Variants in ACKR3 observed in about 807,000 individuals in gnomAD.
The protein encoded by ACKR3 is C-X-C chemokine receptor type 7.
ACKR3 carries 6 observed loss-of-function variants against 22.4 expected under a neutral mutation model. That is an observed-to-expected ratio of 0.27 (90% CI 0.15 to 0.53). The LOEUF (loss-of-function observed/expected upper bound fraction) is 0.53. Among genes scored for constraint, ACKR3 ranks in the 20% least tolerant of loss-of-function variants. The pLI, the probability that ACKR3 is intolerant of heterozygous loss-of-function variation, is 0.96. For missense variants in ACKR3, 396 were observed against 475.2 expected, an observed-to-expected ratio of 0.83 and a Z score of 1.55; for synonymous variants, 209 against 205.2, an observed-to-expected ratio of 1.02 and a Z score of -0.16.
upstream of ACKR3, among the ~76,000 whole-genome samples, chr2:236,569,415 C>T (rs961710171): frequency 6.6e-6 from 1 of 152,204 alleles, no homozygotes; most frequent in Non-Finnish European, 1.5e-5. Context: ...AGTAATTTGT[C>T]TTGGGAACAA....
the ACKR3 span, among the ~76,000 whole-genome samples, chr2:236,552,422 T>C: frequency 6.6e-6 from 1 of 152,226 alleles, no homozygotes; most frequent in Middle Eastern, 3.4e-3. Context: ...CAGTCCCCCA[T>C]CACCTGAAGA....
At chr2:236,551,690 A>G in the ACKR3 span, among the ~76,000 whole-genome samples, 1 of 152,216 alleles carries the variant, frequency 6.6e-6, no homozygotes, top group Non-Finnish European at 1.5e-5. Flanking sequence ...TGCAAATACC[A>G]AAATGTGCCT....
chr2:236,540,893 C>A, the ACKR3 span, among the ~76,000 whole-genome samples: 1 of 152,206 alleles, frequency 6.6e-6, no homozygotes, highest in African/African-American at 2.4e-5. Flanking sequence ...ATTATTGTAA[C>A]TTTATAGTAA....
intron 1 of ACKR3, among the ~76,000 whole-genome samples, chr2:236,578,042 A>G (rs1206793627): frequency 6.6e-6 from 1 of 152,234 alleles, no homozygotes. Context: ...AGGAAATGGG[A>G]GAAAGGAACA....
the ACKR3 span, among the ~76,000 whole-genome samples, chr2:236,538,959 T>C: frequency 2.6e-5 from 4 of 152,176 alleles, no homozygotes; most frequent in South Asian, 8.3e-4. Context: ...GGCTCACCTT[T>C]CTGGTCAGGG....
At chr2:236,564,183 C>T (rs1426816256), upstream of ACKR3, among the ~76,000 whole-genome samples, 1 of 152,184 alleles carries the variant, frequency 6.6e-6, no homozygotes, top group Non-Finnish European at 1.5e-5. Flanking sequence ...GGTCACAGGC[C>T]AATCCTTCAT....
upstream of ACKR3, among the ~76,000 whole-genome samples, chr2:236,565,687 TA>T (rs1329470850): frequency 1.3e-5 from 2 of 152,208 alleles, no homozygotes; most frequent in African/African-American, 4.8e-5. Context: ...TTATGTGGAT[TA>T]AATTCTTGGA....
At chr2:236,537,521 C>G in the ACKR3 span, among the ~76,000 whole-genome samples, 25 of 151,986 alleles carry the variant, frequency 1.6e-4, no homozygotes, top group African/African-American at 5.8e-4. Context: ...AATCCATGAC[C>G]CTGAAGTTTG....
the ACKR3 span, among the ~76,000 whole-genome samples, chr2:236,540,594 C>A: frequency 5.3e-5 from 8 of 152,216 alleles, no homozygotes; most frequent in East Asian, 1.5e-3. Context: ...GGTCACAGAA[C>A]ATTTATTTCC....
intron 1 of ACKR3, among the ~76,000 whole-genome samples, chr2:236,575,946 C>A (rs1360334648): frequency 2.0e-5 from 3 of 152,188 alleles, no homozygotes; most frequent in Non-Finnish European, 4.4e-5. Context: ...GAATTTGTAT[C>A]ATCATAGAAC....
chr2:236,577,707 G>T lies in ACKR3; in HGVS notation c.-26-2733G>T, dbSNP rs376523573. Among the ~76,000 whole-genome samples, 2 of 152,160 alleles carry T rather than the reference G, an allele frequency of 1.3e-5. No homozygotes were observed. The highest frequency in any genetic ancestry group is 2.9e-5 in the Non-Finnish European group (2 of 68,028). ...TGAGCCAGAGGAATGTCACCATGGT[G>T]GGGGAGAGAGGTGGGGCGGATTCGG... On this transcript the variant is annotated intron_variant, in intron 1 of 1. Transcript: ENST00000272928. The surrounding 1 kb of genome is among the most constrained non-coding windows in gnomAD (Gnocchi z 5.6).
the ACKR3 span, among the ~76,000 whole-genome samples, chr2:236,560,681 G>A: frequency 6.6e-6 from 1 of 152,052 alleles, no homozygotes; most frequent in Non-Finnish European, 1.5e-5. Context: ...TTTTTAGTTT[G>A]ATATAATCTC....
chr2:236,580,831 C>T lies in ACKR3; in HGVS notation c.366C>T (p.Leu122=). Residue 122 remains leucine (L), a synonymous_variant, in exon 2 of 2, where the codon CTC becomes CTT. Coordinates refer to ENST00000272928, the MANE Select transcript of ACKR3 (RefSeq NM_020311.3). ...MGELTCKVTH[L]IFSINLFGSI... ...AGCTCACGTGCAAAGTCACACACCT[C>T]ATCTTCTCCATCAACCTCTTCGGCA... is the stretch of plus-strand genomic sequence containing the variant. 1.9e-6 allele frequency: 3 copies of T among 1,614,208 alleles called. No individual in the cohort carries two copies. Among genetic ancestry groups the T allele is most frequent in the Non-Finnish European group, 2.5e-6 (3 of 1,180,042 alleles).
the ACKR3 span, among the ~76,000 whole-genome samples, chr2:236,553,905 A>T: frequency 3.5e-4 from 53 of 152,374 alleles, no homozygotes; most frequent in African/African-American, 1.2e-3. Context: ...TGGGAAGCTT[A>T]TCCTGTAGTG....
At chr2:236,579,997 G>T (rs1390737717) in intron 1 of ACKR3, among the ~76,000 whole-genome samples, 1 of 152,232 alleles carries the variant, frequency 6.6e-6, no homozygotes, top group East Asian at 1.9e-4. Flanking sequence ...AGTGCCAGGA[G>T]AGGACAACCC....
At chr2:236,538,052 T>G in the ACKR3 span, among the ~76,000 whole-genome samples, 1 of 152,208 alleles carries the variant, frequency 6.6e-6, no homozygotes, top group South Asian at 2.1e-4. Flanking sequence ...CCCAAACAAC[T>G]CTTAACAGGT....
the ACKR3 span, among the ~76,000 whole-genome samples, chr2:236,550,622 C>T: frequency 6.6e-6 from 1 of 152,232 alleles, no homozygotes; most frequent in East Asian, 1.9e-4. The surrounding 1 kb of genome is among the most constrained non-coding windows in gnomAD (Gnocchi z 4.6). Context: ...CAGTCTCCCT[C>T]AGTCACCTGG....
At chr2:236,563,854 C>A (rs1691126869), upstream of ACKR3, among the ~76,000 whole-genome samples, 1 of 152,168 alleles carries the variant, frequency 6.6e-6, no homozygotes, top group Non-Finnish European at 1.5e-5. Context: ...CGCTGTGCCC[C>A]CACAGGCTGT....
At chr2:236,578,520 C>T (rs1354568116) in intron 1 of ACKR3, among the ~76,000 whole-genome samples, 1 of 152,206 alleles carries the variant, frequency 6.6e-6, no homozygotes, top group Non-Finnish European at 1.5e-5. Context: ...ATGCGGCTGT[C>T]TTGGGAGGCC....
Sources: allele counts gnomAD v4.1 joint callset (sites outside exome capture counted in the v4.1 genomes callset), GRCh38; gene constraint gnomAD v4.1.1; non-coding constraint Gnocchi (gnomAD v3.1); transcripts MANE v1.5; gene names NCBI Gene and HGNC (gene_info 2026-07-23, HGNC 2026-07-21).